Variants in CDH13 observed in about 807,000 individuals in gnomAD.
The protein encoded by CDH13 is cadherin-13.
A neutral mutation model predicts 63.8 loss-of-function variants in CDH13; 24 were observed. The observed-to-expected ratio is 0.38, with a 90% CI of 0.27 to 0.53. The LOEUF (loss-of-function observed/expected upper bound fraction) is 0.53. Ranked by LOEUF, CDH13 falls within the 20% of genes least tolerant of loss-of-function variation. CDH13 has a pLI of 0.85. For synonymous variants in CDH13, 503 were observed against 355.3 expected (o/e 1.42, Z -4.67); for missense variants, 1,049 against 903.1 (o/e 1.16, Z -2.07).
intron 8 of CDH13, among the ~76,000 whole-genome samples, chr16:83,637,252 C>CTCCACACACCTGA (rs1358319864): frequency 5.7e-5 from 8 of 140,208 alleles, no homozygotes; most frequent in South Asian, 2.5e-4. Flanking sequence ...TAACAGATCT[C>CTCCACACACCTGA]GGGAGGAGCC....
intron 1 of CDH13, among the ~76,000 whole-genome samples, chr16:82,713,806 G>GAAAAAAAAAAAAAA (rs758482459): frequency 8.3e-6 from 1 of 120,010 alleles, no homozygotes; most frequent in Non-Finnish European, 1.8e-5. Flanking sequence ...CTGTATTTGT[G>GAAAAAAAAAAAAAA]AAAAAAAAAA....
chr16:82,722,252 G>A (rs905603478), intron 1 of CDH13, among the ~76,000 whole-genome samples: 1 of 152,098 alleles, frequency 6.6e-6, no homozygotes, highest in Admixed American at 6.5e-5. Context: ...TGAGTTTTAG[G>A]CAAAACTGAA....
chr16:83,122,246 G>A (rs1365510307), intron 3 of CDH13, among the ~76,000 whole-genome samples: 1 of 152,142 alleles, frequency 6.6e-6, no homozygotes, highest in Admixed American at 6.5e-5. Context: ...CACCGCTCTG[G>A]CCCCTTTTTA....
chr16:82,928,558 C>G (rs1415512114), intron 2 of CDH13, among the ~76,000 whole-genome samples: 1 of 152,186 alleles, frequency 6.6e-6, no homozygotes, highest in African/African-American at 2.4e-5. Flanking sequence ...ATAGAATATT[C>G]TACTGTTGTT....
chr16:82,971,880 A>G (rs1020678950), intron 2 of CDH13, among the ~76,000 whole-genome samples: 1 of 152,216 alleles, frequency 6.6e-6, no homozygotes, highest in African/African-American at 2.4e-5. Context: ...CGGATTCTGC[A>G]TGGCCTGTAC....
At chr16:83,272,710 A>G (rs780930603) in intron 5 of CDH13, among the ~76,000 whole-genome samples, 4 of 152,190 alleles carry the variant, frequency 2.6e-5, no homozygotes, top group Admixed American at 6.5e-5. Flanking sequence ...ACTACTCCCA[A>G]TTCATGGGGA....
intron 4 of CDH13, among the ~76,000 whole-genome samples, chr16:83,195,698 A>G (rs992500939): frequency 2.0e-5 from 3 of 152,214 alleles, no homozygotes; most frequent in Admixed American, 6.5e-5. Context: ...ACACAGATCC[A>G]AACCATAGCA....
chr16:83,509,640 G>A (rs1213801306), intron 7 of CDH13, among the ~76,000 whole-genome samples: 1 of 152,144 alleles, frequency 6.6e-6, no homozygotes, highest in African/African-American at 2.4e-5. Context: ...CTAGCAGAGA[G>A]AAGAAAACAT....
intron 10 of CDH13, 69 bp from the exon 11 acceptor site, chr16:83,748,039 C>G (rs1449137477): frequency 2.6e-6 from 4 of 1,555,340 alleles, no homozygotes; most frequent in Non-Finnish European, 2.7e-6. Flanking sequence ...AGCTCATGCC[C>G]TGCACTCTGT....
intron 7 of CDH13, among the ~76,000 whole-genome samples, chr16:83,512,942 C>G (rs559202908): frequency 3.3e-5 from 5 of 151,982 alleles, no homozygotes; most frequent in South Asian, 4.2e-4. Flanking sequence ...AACCTCTGAT[C>G]AAGCCCTGCA....
At chr16:83,173,798 C>G (rs956303647) in intron 4 of CDH13, among the ~76,000 whole-genome samples, 9 of 152,020 alleles carry the variant, frequency 5.9e-5, no homozygotes, top group Non-Finnish European at 8.8e-5. Flanking sequence ...TGAGGTTGTA[C>G]CCTTTTTACC....
At chr16:83,000,376 G>A (rs142865275) in intron 2 of CDH13, among the ~76,000 whole-genome samples, 2,338 of 149,868 alleles carry the variant, frequency 0.016, 53 homozygotes, top group African/African-American at 0.052. Context: ...AGCCTCGCGA[G>A]TAGCTGGGAT....
intron 10 of CDH13, among the ~76,000 whole-genome samples, chr16:83,740,531 T>C (rs937496295): frequency 6.6e-6 from 1 of 152,170 alleles, no homozygotes; most frequent in South Asian, 2.1e-4. Context: ...CTTGTTGTCA[T>C]GGTAGGGATC....
chr16:82,752,700 C>T (rs968448725), intron 1 of CDH13, among the ~76,000 whole-genome samples: 4 of 152,200 alleles, frequency 2.6e-5, no homozygotes, highest in African/African-American at 9.7e-5. Flanking sequence ...AGGGCCAGAA[C>T]CAGAAGGCAG....
intron 6 of CDH13, among the ~76,000 whole-genome samples, chr16:83,345,980 T>C (rs2090831241): frequency 6.6e-6 from 1 of 152,152 alleles, no homozygotes; most frequent in African/African-American, 2.4e-5. Context: ...GCTCTGGAAA[T>C]GTTGCCATGG....
At chr16:83,688,664 C>G (rs149732489) in intron 10 of CDH13, among the ~76,000 whole-genome samples, 1 of 152,158 alleles carries the variant, frequency 6.6e-6, no homozygotes, top group Admixed American at 6.5e-5. Context: ...TCAACAAACA[C>G]AGAGTTTGAA....
chr16:83,007,282 G>A (rs1296777967), intron 2 of CDH13, among the ~76,000 whole-genome samples: 1 of 152,108 alleles, frequency 6.6e-6, no homozygotes, highest in Non-Finnish European at 1.5e-5. Flanking sequence ...TCTGTGCTAG[G>A]CACCGTGACA....
intron 1 of CDH13, chr16:82,844,902 G>A (rs2039195300): frequency 6.6e-6 from 1 of 151,880 alleles, no homozygotes; most frequent in Admixed American, 6.6e-5. Flanking sequence ...TGATCCGCCT[G>A]CCTCAGTCCC....
chr16:83,407,797 G>T (rs17213769), intron 6 of CDH13, among the ~76,000 whole-genome samples: 1 of 152,022 alleles, frequency 6.6e-6, no homozygotes. Context: ...CCAGCATTGC[G>T]CATTAGAAGT....
Sources: allele counts gnomAD v4.1 joint callset (sites outside exome capture counted in the v4.1 genomes callset), GRCh38; gene constraint gnomAD v4.1.1; transcripts MANE v1.5; gene names NCBI Gene and HGNC (gene_info 2026-07-23, HGNC 2026-07-21).